Variants in LPCAT1 observed in about 807,000 individuals in gnomAD.
The protein encoded by LPCAT1 is 1-acylglycerol-3-phosphate O-acyltransferase.
In LPCAT1, 23 loss-of-function variants were observed where a neutral mutation model predicts 60.9. The ratio of observed to expected loss-of-function variants is 0.38; its 90% CI spans 0.27 to 0.53. LPCAT1 has a LOEUF of 0.53. LPCAT1 is among the 20% of genes least tolerant of loss of function. The pLI is 0.82. For missense variants in LPCAT1, 622 were observed against 723.6 expected (o/e 0.86, Z 1.61); for synonymous variants, 340 against 301.1 (o/e 1.13, Z -1.34).
chr5:1,490,306 G>A (rs1417562161), intron 3 of LPCAT1, among the ~76,000 whole-genome samples: 2 of 152,210 alleles, frequency 1.3e-5, no homozygotes, highest in African/African-American at 4.8e-5. Context: ...CCGGGAATGG[G>A]ACCTCATTTC....
chr5:1,512,899 G>A (rs1370471555), intron 1 of LPCAT1, among the ~76,000 whole-genome samples: 3 of 152,254 alleles, frequency 2.0e-5, no homozygotes, highest in African/African-American at 4.8e-5. Flanking sequence ...GAACGAGACC[G>A]ACGGAAACCG....
At chr5:1,467,415 G>T (rs1461183619) in intron 12 of LPCAT1, 1 of 152,628 alleles carries the variant, frequency 6.6e-6, no homozygotes, top group African/African-American at 2.4e-5. Flanking sequence ...GGCTCCAGCG[G>T]GGAGCGGGAA....
intron 9 of LPCAT1, 87 bp from the exon 10 acceptor site, chr5:1,474,772 G>A (rs1367073774): frequency 6.6e-7 from 1 of 1,509,606 alleles, no homozygotes; most frequent in African/African-American, 1.4e-5. Context: ...ATGGCTCAGG[G>A]GAGAGGAGGG....
In LPCAT1 at chr5:1,523,818, C is replaced by T. The variant is rs1736750995; in HGVS notation, c.27G>A (p.Arg9=). ...CCCCTGCGCTGGAGGCAGGGGCGGC[C>T]CGGGGTCCGCATCCCCGCAGCCTCA... MRLRGCGP[R]AAPASSAGAS... is the part of the protein sequence containing the mutation. Residue 9 remains arginine, a synonymous_variant, in exon 1 of 14, where the codon CGG becomes CGA. Transcript: ENST00000283415. This position sits in a 1 kb window ranked among gnomAD's most constrained non-coding sequence, Gnocchi z 7.1. 4.0e-5 allele frequency: 44 copies of T among 1,086,734 alleles called. No homozygotes were observed. The highest frequency in any genetic ancestry group is 4.7e-5 in the Non-Finnish European group (42 of 895,638). 67.3% of individuals were successfully genotyped at this position (1,086,734 alleles called of 1,614,324 possible).
chr5:1,507,094 C>T (rs1415735045), intron 1 of LPCAT1, among the ~76,000 whole-genome samples: 1 of 152,130 alleles, frequency 6.6e-6, no homozygotes, highest in Non-Finnish European at 1.5e-5. Context: ...TGGCCAGAGG[C>T]TGAATGCGGA....
chr5:1,502,215 A>C lies in LPCAT1; in HGVS notation c.136-612T>G, dbSNP rs2126591420. ...AGGGCCACTCTGACGCACAGCACAC[A>C]ACCCCAGGCAGCTCCACCCCGCAGG... is the stretch of plus-strand genomic sequence containing the variant. On this transcript the variant is annotated intron_variant, in intron 1 of 13. Coordinates refer to ENST00000283415, the MANE Select transcript of LPCAT1 (RefSeq NM_024830.5). The surrounding 1 kb of genome is among the most constrained non-coding windows in gnomAD (Gnocchi z 5.5). Among the ~76,000 whole-genome samples, 2 of 152,160 alleles carry C rather than the reference A, an allele frequency of 1.3e-5. No homozygotes were observed. The highest frequency in any genetic ancestry group is 3.9e-4 in the East Asian group (2 of 5,154).
chr5:1,465,749 T>G (rs909929397), intron 13 of LPCAT1, among the ~76,000 whole-genome samples: 3 of 145,888 alleles, frequency 2.1e-5, no homozygotes, highest in African/African-American at 7.7e-5. Flanking sequence ...AGCATGCACA[T>G]GTGTACACAA....
chr5:1,472,890 C>T (rs564948229), intron 11 of LPCAT1, among the ~76,000 whole-genome samples: 2 of 152,226 alleles, frequency 1.3e-5, no homozygotes, highest in South Asian at 2.1e-4. Context: ...CCCTCTGGTG[C>T]GTGTGGGAGA....
Position 1,495,141 on chromosome 5 carries a change from C to T in LPCAT1, c.279-227G>A, listed in dbSNP as rs767459454. Among the ~76,000 whole-genome samples the T allele has an allele frequency of 2.0e-5, 3 of 152,188 alleles. No individual in the cohort carries two copies. The highest frequency in any genetic ancestry group is 2.9e-5 in the Non-Finnish European group (2 of 68,036). On this transcript the variant is annotated intron_variant, in intron 2 of 13. Transcript: ENST00000283415. This position sits in a 1 kb window ranked among gnomAD's most constrained non-coding sequence, Gnocchi z 4.7. ...GCGCTCTCACCTACGAAGGAGGCCG[C>T]GGGGCCCTGTGTGGTGGTCACGGGC... is the stretch of plus-strand genomic sequence containing the variant.
At chr5:1,469,429 C>T (rs993529851) in intron 12 of LPCAT1, among the ~76,000 whole-genome samples, 1 of 152,234 alleles carries the variant, frequency 6.6e-6, no homozygotes, top group Non-Finnish European at 1.5e-5. Flanking sequence ...GCCACCCCCA[C>T]CGCTGCTGTC....
rs759742664 is a variant in LPCAT1, at chr5:1,521,187, G to A, written c.135+2523C>T. Among the ~76,000 whole-genome samples, 2 of 152,178 alleles carry A rather than the reference G, an allele frequency of 1.3e-5. No individual in the cohort carries two copies. Among genetic ancestry groups the A allele is most frequent in the Non-Finnish European group, 2.9e-5 (2 of 68,028 alleles). On this transcript the variant is annotated intron_variant, in intron 1 of 13. Coordinates refer to ENST00000283415, the MANE Select transcript of LPCAT1 (RefSeq NM_024830.5). The surrounding 1 kb of genome is among the most constrained non-coding windows in gnomAD (Gnocchi z 4.3). ...ACCTCTTTTCAGATCTTAATGTGCT[G>A]TTTTCTGTCCAAAGAGATACTTAAG...
At chr5:1,494,383 G>A (rs1735699416) in intron 3 of LPCAT1, among the ~76,000 whole-genome samples, 3 of 152,202 alleles carry the variant, frequency 2.0e-5, no homozygotes, top group Admixed American at 1.3e-4. Context: ...TGTGCCCGGC[G>A]GTGGGGGCTC....
chr5:1,495,045 C>G lies in LPCAT1; in HGVS notation c.279-131G>C, dbSNP rs1311818379. On this transcript the variant is annotated intron_variant, in intron 2 of 13. Transcript: ENST00000283415. The surrounding 1 kb of genome is among the most constrained non-coding windows in gnomAD (Gnocchi z 4.7). ...GCCACGGGCTTCCTGTGGTCGCCGC[C>G]GCTGGGACATCTGCTTGAGGGAAGA... is the stretch of plus-strand genomic sequence containing the variant. The G allele has an allele frequency of 3.9e-6, 3 of 776,202 alleles. No homozygotes were observed. Among genetic ancestry groups the G allele is most frequent in the Non-Finnish European group, 6.1e-6 (3 of 494,184 alleles). The allele number at this position is 776,202 out of a possible 1,614,324, so 48.1% of individuals were successfully genotyped here.
intron 1 of LPCAT1, among the ~76,000 whole-genome samples, chr5:1,504,164 G>C (rs1477727859): frequency 6.6e-6 from 1 of 152,202 alleles, no homozygotes; most frequent in African/African-American, 2.4e-5. Flanking sequence ...GTCACATTTA[G>C]AACACAGCTC....
chr5:1,464,881 A>AC (rs60496495), intron 13 of LPCAT1, among the ~76,000 whole-genome samples: 58 of 11,326 alleles, frequency 5.1e-3, no homozygotes, highest in Non-Finnish European at 9.1e-3. Context: ...GTGTACACAC[A>AC]AACAAGTGCA....
intron 1 of LPCAT1, among the ~76,000 whole-genome samples, chr5:1,514,403 G>A (rs967810994): frequency 7.9e-5 from 12 of 152,194 alleles, no homozygotes; most frequent in African/African-American, 2.9e-4. Flanking sequence ...AAACGCTCGC[G>A]GTGAAAGGCA....
At chr5:1,470,072 G>C (rs1233631117) in intron 12 of LPCAT1, among the ~76,000 whole-genome samples, 2 of 152,252 alleles carry the variant, frequency 1.3e-5, no homozygotes, top group African/African-American at 4.8e-5. Flanking sequence ...TTCTTGGAGC[G>C]GTGAGAGACA....
chr5:1,485,239 C>T (rs1166988056), intron 5 of LPCAT1, among the ~76,000 whole-genome samples: 1 of 152,142 alleles, frequency 6.6e-6, no homozygotes, highest in Non-Finnish European at 1.5e-5. Context: ...GCACAGAAAC[C>T]CCCCATGAGC....
intron 9 of LPCAT1, among the ~76,000 whole-genome samples, chr5:1,475,587 T>C (rs992175107): frequency 2.0e-5 from 3 of 152,256 alleles, no homozygotes; most frequent in Admixed American, 6.5e-5. Context: ...GTGTGCGCTC[T>C]GCCACCCTGG....
Sources: gnomAD v4.1 joint callset for allele counts (sites outside exome capture counted in the v4.1 genomes callset) on GRCh38, gnomAD v4.1.1 for gene constraint, Gnocchi (gnomAD v3.1) non-coding constraint, MANE v1.5 for transcripts, NCBI Gene and HGNC (gene_info 2026-07-23, HGNC 2026-07-21) for gene names.